Variants in TACR3 observed in about 807,000 individuals in gnomAD.
The protein encoded by TACR3 is tachykinin receptor 3.
TACR3 carries 34 observed loss-of-function variants against 35.0 expected under a neutral mutation model. The observed-to-expected ratio is 0.97, with a 90% confidence interval of 0.74 to 1.30. TACR3 has a LOEUF of 1.30. TACR3 is among the 50% of genes most tolerant of loss of function. The probability of loss-of-function intolerance (pLI) is 0.00; values close to 1 mark genes in which losing one functional copy is unlikely to be tolerated. For missense variants in TACR3, 558 were observed against 591.7 expected (o/e 0.94, Z 0.59); for synonymous variants, 233 against 221.1 (o/e 1.05, Z -0.48).
chr4:103,590,107 T>G, intron 4 of TACR3, 113 bp from the exon 5 acceptor site: 2 of 1,351,778 alleles, frequency 1.5e-6, no homozygotes, highest in South Asian at 2.5e-5. Context: ...TTTTTGAGTT[T>G]GGTTTTTAGC....
chr4:103,694,412 G>C (rs1025510095), intron 1 of TACR3, among the ~76,000 whole-genome samples: 2 of 152,074 alleles, frequency 1.3e-5, no homozygotes, highest in African/African-American at 4.8e-5. Context: ...CTGAGTTCCA[G>C]GTGGACTGCA....
chr4:103,615,748 A>G (rs1434698904), intron 3 of TACR3, among the ~76,000 whole-genome samples: 1 of 152,202 alleles, frequency 6.6e-6, no homozygotes, highest in East Asian at 1.9e-4. Context: ...CTTAAACAGT[A>G]AAAAAGTACA....
At chr4:103,633,566 C>T (rs1301529237) in intron 3 of TACR3, among the ~76,000 whole-genome samples, 1 of 152,042 alleles carries the variant, frequency 6.6e-6, no homozygotes, top group Middle Eastern at 3.2e-3. Context: ...TCAACCCTCC[C>T]ACTCTTCCCC....
At position 103,628,509 on chromosome 4, in the gene TACR3, T is replaced by A. The variant is rs527482328; in HGVS notation, c.888+27685A>T. Among the ~76,000 whole-genome samples, 17 of 152,254 alleles carry A rather than the reference T, an allele frequency of 1.1e-4. No individual in the cohort carries two copies. The East Asian group carries it at 3.3e-3, about 29-fold the overall frequency. Reference sequence around the variant, plus strand: ...AGAAATACAAACTACCATCAGAGAATACTATAAACAACTCTACACAAATAA... The same window carrying A: ...AGAAATACAAACTACCATCAGAGAAAACTATAAACAACTCTACACAAATAA... On this transcript the variant is annotated intron_variant, in intron 3 of 4. Transcript: ENST00000304883.
At chr4:103,673,158 C>A (rs1203225703) in intron 1 of TACR3, among the ~76,000 whole-genome samples, 1 of 152,124 alleles carries the variant, frequency 6.6e-6, no homozygotes, top group Non-Finnish European at 1.5e-5. Context: ...AGCAATAAGG[C>A]TGCTTTGTTT....
chr4:103,651,763 C>T (rs1240177959), intron 3 of TACR3, among the ~76,000 whole-genome samples: 2 of 151,916 alleles, frequency 1.3e-5, no homozygotes, highest in Non-Finnish European at 2.9e-5. Flanking sequence ...TGGGTATTGC[C>T]ACTGGTTATT....
intron 3 of TACR3, among the ~76,000 whole-genome samples, chr4:103,603,026 G>C (rs561325657): frequency 6.6e-6 from 1 of 152,364 alleles, no homozygotes; most frequent in African/African-American, 2.4e-5. Flanking sequence ...CTTGAGCTGT[G>C]GTGGGCTCTG....
At chr4:103,687,140 A>G (rs1413388797) in intron 1 of TACR3, among the ~76,000 whole-genome samples, 2 of 152,148 alleles carry the variant, frequency 1.3e-5, no homozygotes, top group South Asian at 2.1e-4. Context: ...AACCAAAGAC[A>G]AAAACCACAT....
chr4:103,690,293 T>C (rs1237580025), intron 1 of TACR3, among the ~76,000 whole-genome samples: 1 of 152,040 alleles, frequency 6.6e-6, no homozygotes, highest in African/African-American at 2.4e-5. Context: ...CAGAAAAGCT[T>C]TGAATGTAAA....
At chr4:103,687,802 C>A (rs559815713) in intron 1 of TACR3, among the ~76,000 whole-genome samples, 1 of 152,026 alleles carries the variant, frequency 6.6e-6, no homozygotes, top group African/African-American at 2.4e-5. Context: ...GAATCAATAT[C>A]GTGAAAATGG....
At chr4:103,632,554 G>C (rs927393065) in intron 3 of TACR3, among the ~76,000 whole-genome samples, 22 of 151,838 alleles carry the variant, frequency 1.4e-4, no homozygotes, top group African/African-American at 4.8e-4. Flanking sequence ...GGGGGGTGAG[G>C]GGAGGGAACT....
At chr4:103,615,538 C>T (rs911411676) in intron 3 of TACR3, among the ~76,000 whole-genome samples, 2 of 151,940 alleles carry the variant, frequency 1.3e-5, no homozygotes, top group Non-Finnish European at 2.9e-5. Context: ...TACTACTTCT[C>T]CAACATAGCA....
At chr4:103,671,896 A>T (rs772625600) in intron 1 of TACR3, among the ~76,000 whole-genome samples, 1 of 152,086 alleles carries the variant, frequency 6.6e-6, no homozygotes, top group Non-Finnish European at 1.5e-5. Context: ...GTAGCATGCA[A>T]TGCTATTTGA....
At chr4:103,704,907 T>C (rs1368349574) in intron 1 of TACR3, among the ~76,000 whole-genome samples, 3 of 152,172 alleles carry the variant, frequency 2.0e-5, no homozygotes, top group Non-Finnish European at 4.4e-5. Context: ...CGTTACCATA[T>C]TTATACACAA....
chr4:103,627,352 T>TAAAAATACAAAA (rs1271100817), intron 3 of TACR3, among the ~76,000 whole-genome samples: 2 of 82,476 alleles, frequency 2.4e-5, no homozygotes, highest in African/African-American at 4.8e-5. Context: ...GTGTTTCCAT[T>TAAAAATACAAAA]AAAAAAAAAA....
Position 103,598,023 on chromosome 4 carries a change from G to A in TACR3, c.889-6340C>T, listed in dbSNP as rs561825023. ...TCTAGTTCTAGATCCCTGAGGAATC[G>A]CCACACCGACTTCCACAGTGGTTGA... On this transcript the variant is annotated intron_variant, in intron 3 of 4. Transcript: ENST00000304883. 6.6e-5 allele frequency among the ~76,000 whole-genome samples: 10 copies of A among 152,212 alleles called. No individual in the cohort carries two copies. The South Asian group carries it at 1.0e-3, about 16-fold the overall frequency.
intron 3 of TACR3, among the ~76,000 whole-genome samples, chr4:103,600,004 T>C (rs1051867778): frequency 6.6e-6 from 1 of 152,152 alleles, no homozygotes; most frequent in Non-Finnish European, 1.5e-5. Flanking sequence ...CTTTTTCTAT[T>C]GATTGGAATA....
chr4:103,598,000 T>G (rs1347920592), intron 3 of TACR3, among the ~76,000 whole-genome samples: 1 of 152,220 alleles, frequency 6.6e-6, no homozygotes, highest in Non-Finnish European at 1.5e-5. Context: ...ATGGTATTTC[T>G]AGTTCTAGAT....
chr4:103,684,837 C>G (rs1722191396), intron 1 of TACR3, among the ~76,000 whole-genome samples: 1 of 151,694 alleles, frequency 6.6e-6, no homozygotes, highest in African/African-American at 2.4e-5. Context: ...AAACCTGTCT[C>G]TATGAAAAAT....
Sources: allele counts gnomAD v4.1 joint callset (sites outside exome capture counted in the v4.1 genomes callset), GRCh38; gene constraint gnomAD v4.1.1; transcripts MANE v1.5; gene names NCBI Gene and HGNC (gene_info 2026-07-23, HGNC 2026-07-21).